VIT: variants seen among roughly 807,000 people sequenced by gnomAD.
The protein encoded by VIT is vitrin.
VIT carries 99 observed loss-of-function variants against 78.0 expected under a neutral mutation model. The observed-to-expected ratio is 1.27, with a 90% CI of 1.08 to 1.50. The LOEUF is 1.50. Among genes scored for constraint, VIT ranks in the 40% most tolerant of loss-of-function variants. The pLI is 0.00. For synonymous variants in VIT, 374 were observed against 334.3 expected, an observed-to-expected ratio of 1.12 and a Z score of -1.29; for missense variants, 1,126 against 875.3, an observed-to-expected ratio of 1.29 and a Z score of -3.61.
chr2:36,782,172 A>G (rs1261639482), intron 10 of VIT, among the ~76,000 whole-genome samples: 1 of 152,156 alleles, frequency 6.6e-6, no homozygotes, highest in Non-Finnish European at 1.5e-5. Flanking sequence ...TACTGCATTA[A>G]ATATTTGAAA....
chr2:36,739,595 A>C (rs1473472334), intron 3 of VIT, among the ~76,000 whole-genome samples: 1 of 152,184 alleles, frequency 6.6e-6, no homozygotes, highest in Non-Finnish European at 1.5e-5. Flanking sequence ...TCTGGTTTGC[A>C]GGTGGTTCTC....
intron 1 of VIT, among the ~76,000 whole-genome samples, chr2:36,713,098 T>C (rs1665905710): frequency 6.6e-6 from 1 of 152,130 alleles, no homozygotes; most frequent in African/African-American, 2.4e-5. Context: ...GATAAGTCAA[T>C]GGAGAAGAAG....
At chr2:36,749,084 T>G (rs1412554906) in intron 4 of VIT, among the ~76,000 whole-genome samples, 1 of 152,214 alleles carries the variant, frequency 6.6e-6, no homozygotes, top group African/African-American at 2.4e-5. Context: ...TGACTTCTCT[T>G]TACACTTTGA....
chr2:36,811,571 G>A lies in VIT; in HGVS notation c.1903+2586G>A, dbSNP rs114091561. 3.8e-3 allele frequency among the ~76,000 whole-genome samples: 583 copies of A among 152,290 alleles called. 4 individuals carry two copies. Among genetic ancestry groups the A allele is most frequent in the African/African-American group, 0.014 (564 of 41,556 alleles). ...TCCTGGGAGTATCCAAGTCAAGGCT[G>A]GGTGACCATCTGTTAGAATTGCCAG... On this transcript the variant is annotated intron_variant, in intron 15 of 15. Transcript: ENST00000379242.
chr2:36,705,348 A>G (rs1331285458), intron 1 of VIT, among the ~76,000 whole-genome samples: 4 of 152,168 alleles, frequency 2.6e-5, no homozygotes, highest in Non-Finnish European at 5.9e-5. Context: ...CCCACTGGCA[A>G]TATAAGATCT....
chr2:36,740,552 G>A (rs112577621), intron 3 of VIT, among the ~76,000 whole-genome samples: 2,291 of 152,076 alleles, frequency 0.015, 28 homozygotes, highest in Middle Eastern at 0.031. Flanking sequence ...ACACTTTACC[G>A]TGGCTCCCTG....
At chr2:36,774,245 A>G (rs1669923865) in intron 8 of VIT, among the ~76,000 whole-genome samples, 2 of 125,566 alleles carry the variant, frequency 1.6e-5, no homozygotes, top group African/African-American at 5.7e-5. Context: ...GAGTAATTCT[A>G]TGCCACGGGG....
At chr2:36,784,482 G>C (rs149727014) in intron 11 of VIT, among the ~76,000 whole-genome samples, 23 of 152,292 alleles carry the variant, frequency 1.5e-4, no homozygotes, top group Middle Eastern at 3.4e-3. Context: ...ATTTACCCTT[G>C]AGAAGCACTT....
intron 1 of VIT, among the ~76,000 whole-genome samples, chr2:36,710,260 G>A (rs560598152): frequency 2.0e-4 from 30 of 151,968 alleles, no homozygotes; most frequent in South Asian, 6.2e-4. Flanking sequence ...TAACATATAC[G>A]CACAGGGTAA....
Position 36,814,529 on chromosome 2 carries a change from T to A in VIT, c.*168T>A, listed in dbSNP as rs1172546901. On this transcript the variant is annotated 3_prime_UTR_variant, in exon 16 of 16. Transcript: ENST00000379242. The stretch of plus-strand genomic sequence containing the variant: ...TCATGCTTTTTCATATTCCAAAACT[T>A]GGAGTTACAAAGATGATCACAAACG... 7 of 871,532 alleles carry A rather than the reference T, an allele frequency of 8.0e-6. No individual in the cohort carries two copies. Among genetic ancestry groups the A allele is most frequent in the Non-Finnish European group, 1.2e-5 (7 of 593,536 alleles). 54.0% of individuals were successfully genotyped at this position (871,532 alleles called of 1,614,324 possible).
intron 3 of VIT, among the ~76,000 whole-genome samples, chr2:36,731,467 G>T (rs13398046): frequency 0.18 from 26,582 of 151,662 alleles, 2,436 homozygotes; most frequent in East Asian, 0.28. Context: ...TAGAAACGGG[G>T]TTTCACCATG....
chr2:36,721,105 T>G (rs1460499930), intron 2 of VIT, among the ~76,000 whole-genome samples: 3 of 152,152 alleles, frequency 2.0e-5, no homozygotes, highest in Non-Finnish European at 4.4e-5. Context: ...AAAACCGCAT[T>G]GTTTACTTGA....
chr2:36,703,957 A>G (rs111411355), intron 1 of VIT, among the ~76,000 whole-genome samples: 36,504 of 133,600 alleles, frequency 0.27, 5,455 homozygotes, highest in Non-Finnish European at 0.34. Flanking sequence ...TTGGAGACTC[A>G]CTCTGTCGCC....
At position 36,781,509 on chromosome 2, in the gene VIT, G is replaced by T. The variant is rs545982826; in HGVS notation, c.803-218G>T. Among the ~76,000 whole-genome samples the T allele has an allele frequency of 2.2e-4, 33 of 152,286 alleles. No homozygotes were observed. The South Asian group carries it at 3.7e-3, about 17-fold the overall frequency. On this transcript the variant is annotated intron_variant, in intron 9 of 15. Coordinates refer to ENST00000379242, the MANE Select transcript of VIT (RefSeq NM_053276.4). ...AAGATTCTTGGTGCATAATGAAAAA[G>T]AAATTGGTAAAGATGTTTATGCCTT...
chr2:36,706,529 C>T (rs1405802116), intron 1 of VIT, among the ~76,000 whole-genome samples: 1 of 152,184 alleles, frequency 6.6e-6, no homozygotes, highest in African/African-American at 2.4e-5. Context: ...CACACTTATT[C>T]TCTCCATCTC....
intron 2 of VIT, among the ~76,000 whole-genome samples, chr2:36,725,044 C>T (rs535822417): frequency 3.9e-5 from 6 of 152,250 alleles, no homozygotes; most frequent in Admixed American, 6.5e-5. Flanking sequence ...ATTAGACCTC[C>T]GGGACACTCA....
chr2:36,713,302 G>A (rs1665919673), intron 1 of VIT, among the ~76,000 whole-genome samples: 1 of 152,222 alleles, frequency 6.6e-6, no homozygotes, highest in African/African-American at 2.4e-5. Flanking sequence ...AGTACAACAA[G>A]TGCAGAGACC....
chr2:36,761,986 A>G (rs1399096287), intron 6 of VIT, among the ~76,000 whole-genome samples: 1 of 152,228 alleles, frequency 6.6e-6, no homozygotes, highest in Non-Finnish European at 1.5e-5. Flanking sequence ...TAAGCAGCCC[A>G]AAAAGTATGC....
chr2:36,749,912 G>T (rs977921727), intron 4 of VIT, among the ~76,000 whole-genome samples: 9 of 152,188 alleles, frequency 5.9e-5, no homozygotes, highest in Admixed American at 1.3e-4. Flanking sequence ...TCTGAAATTT[G>T]AGGGAGCAGT....
Sources: gnomAD v4.1 joint callset for allele counts (sites outside exome capture counted in the v4.1 genomes callset) on GRCh38, gnomAD v4.1.1 for gene constraint, MANE v1.5 for transcripts, NCBI Gene and HGNC (gene_info 2026-07-23, HGNC 2026-07-21) for gene names.